The following ME3 variants were observed in gnomAD, a reference collection of about 807,000 sequenced individuals.
The protein encoded by ME3 is NADP-dependent malic enzyme, mitochondrial.
ME3 carries 48 observed loss-of-function variants against 68.9 expected under a neutral mutation model. That is an observed-to-expected ratio of 0.70 (90% CI 0.55 to 0.89). The LOEUF (loss-of-function observed/expected upper bound fraction) is 0.89. ME3 is among the 40% of genes least tolerant of loss of function. ME3 has a pLI of 0.00. For synonymous variants in ME3, 320 were observed against 318.8 expected (o/e 1.00, Z -0.04); for missense variants, 675 against 797.4 (o/e 0.85, Z 1.85).
intron 4 of ME3, among the ~76,000 whole-genome samples, chr11:86,515,777 A>G (rs1477539213): frequency 6.6e-6 from 1 of 152,088 alleles, no homozygotes; most frequent in Non-Finnish European, 1.5e-5. Context: ...GTCTGTTTCA[A>G]TCTTCTCTCC....
chr11:86,637,965 C>CAT (rs1270145340), intron 2 of ME3, among the ~76,000 whole-genome samples: 1 of 83,904 alleles, frequency 1.2e-5, no homozygotes, highest in Non-Finnish European at 2.3e-5. Context: ...CATGCTCATG[C>CAT]ATACACACAC....
At chr11:86,588,701 T>G (rs890116985) in intron 2 of ME3, among the ~76,000 whole-genome samples, 2 of 152,158 alleles carry the variant, frequency 1.3e-5, no homozygotes, top group Non-Finnish European at 2.9e-5. Flanking sequence ...CCATAACCTG[T>G]CCATCCACTG....
chr11:86,500,071 G>A (rs757898991), intron 5 of ME3, among the ~76,000 whole-genome samples: 20 of 152,294 alleles, frequency 1.3e-4, no homozygotes, highest in Non-Finnish European at 2.1e-4. Flanking sequence ...CTGCTTTGGC[G>A]CCACCCTCTC....
chr11:86,615,150 T>C (rs1942868495), intron 2 of ME3, among the ~76,000 whole-genome samples: 1 of 152,144 alleles, frequency 6.6e-6, no homozygotes, highest in East Asian at 1.9e-4. Flanking sequence ...CTTCCATCGG[T>C]ACAAATCTTA....
chr11:86,622,387 TA>T (rs767078950), intron 2 of ME3, among the ~76,000 whole-genome samples: 5,834 of 148,372 alleles, frequency 0.039, 136 homozygotes, highest in Non-Finnish European at 0.056. Flanking sequence ...GGGAGGGCAT[TA>T]AAAAAAAAAA....
chr11:86,591,136 C>T (rs1959031772), intron 2 of ME3, among the ~76,000 whole-genome samples: 5 of 152,096 alleles, frequency 3.3e-5, no homozygotes, highest in Admixed American at 3.3e-4. Context: ...TCCTAAGGGT[C>T]AATAAGATAT....
chr11:86,480,609 A>G (rs998431073), intron 7 of ME3, among the ~76,000 whole-genome samples: 1 of 152,186 alleles, frequency 6.6e-6, no homozygotes, highest in Non-Finnish European at 1.5e-5. Context: ...CAGGCCCAAC[A>G]TGTGCCTGCT....
chr11:86,667,625 G>A (rs1271316494), intron 2 of ME3: 1 of 152,166 alleles, frequency 6.6e-6, no homozygotes, highest in Non-Finnish European at 1.5e-5. Flanking sequence ...GTCTAGTGTG[G>A]AAGGCAAACC....
chr11:86,515,747 T>G (rs958647198), intron 4 of ME3, among the ~76,000 whole-genome samples: 3 of 152,126 alleles, frequency 2.0e-5, no homozygotes, highest in African/African-American at 7.2e-5. Context: ...GCCAAGGAGC[T>G]CTCTGTATTC....
chr11:86,559,196 T>C (rs1957077108), intron 3 of ME3, among the ~76,000 whole-genome samples: 1 of 152,154 alleles, frequency 6.6e-6, no homozygotes, highest in African/African-American at 2.4e-5. Flanking sequence ...GCCCATAGCC[T>C]CCAACAAATG....
intron 2 of ME3, among the ~76,000 whole-genome samples, chr11:86,657,464 G>A (rs1945973731): frequency 1.5e-5 from 2 of 132,448 alleles, no homozygotes; most frequent in Admixed American, 7.8e-5. Flanking sequence ...ATTGGGGCCT[G>A]TAGGAGGGGG....
chr11:86,645,459 G>T (rs1487131647), intron 2 of ME3, among the ~76,000 whole-genome samples: 1 of 152,202 alleles, frequency 6.6e-6, no homozygotes, highest in Non-Finnish European at 1.5e-5. Flanking sequence ...AGTTTGGACT[G>T]TGCGGAGCCC....
intron 6 of ME3, among the ~76,000 whole-genome samples, chr11:86,494,059 A>AT (rs1952163927): frequency 6.6e-6 from 1 of 151,902 alleles, no homozygotes; most frequent in South Asian, 2.1e-4. Flanking sequence ...ATTGAAAAAA[A>AT]AAAAAGGAAC....
At chr11:86,604,104 A>C (rs1220453229) in intron 2 of ME3, among the ~76,000 whole-genome samples, 1 of 148,690 alleles carries the variant, frequency 6.7e-6, no homozygotes. Flanking sequence ...ATAATAAAAA[A>C]AAAAGTTAAA....
intron 2 of ME3, among the ~76,000 whole-genome samples, chr11:86,588,002 A>G (rs1958840243): frequency 6.6e-6 from 1 of 152,200 alleles, no homozygotes; most frequent in Non-Finnish European, 1.5e-5. Context: ...CATCTGTAAA[A>G]TGGGCTAATA....
intron 7 of ME3, among the ~76,000 whole-genome samples, chr11:86,470,369 A>G (rs1056895947): frequency 2.0e-5 from 3 of 152,176 alleles, no homozygotes; most frequent in African/African-American, 7.2e-5. Flanking sequence ...TTGTCACCCA[A>G]TGGAAAACTA....
intron 4 of ME3, among the ~76,000 whole-genome samples, chr11:86,549,005 T>A (rs1257219728): frequency 6.6e-6 from 1 of 152,262 alleles, no homozygotes; most frequent in Non-Finnish European, 1.5e-5. Flanking sequence ...ACTTCGTTGA[T>A]ACGTAAATTC....
At chr11:86,590,363 A>G (rs1163777685) in intron 2 of ME3, among the ~76,000 whole-genome samples, 1 of 152,220 alleles carries the variant, frequency 6.6e-6, no homozygotes, top group Non-Finnish European at 1.5e-5. Flanking sequence ...TAAGAGAATG[A>G]TACAATTCAA....
At chr11:86,537,098 G>A (rs537354774) in intron 4 of ME3, among the ~76,000 whole-genome samples, 130 of 145,344 alleles carry the variant, frequency 8.9e-4, no homozygotes, top group Middle Eastern at 3.5e-3. Context: ...AGATCACATG[G>A]ACACAGGAAG....
Sources: gnomAD v4.1 joint callset for allele counts (sites outside exome capture counted in the v4.1 genomes callset) on GRCh38, gnomAD v4.1.1 for gene constraint, MANE v1.5 for transcripts, NCBI Gene and HGNC (gene_info 2026-07-23, HGNC 2026-07-21) for gene names.